The following SGCZ variants were observed in gnomAD, a reference collection of about 807,000 sequenced individuals.
SGCZ encodes the protein zeta-sarcoglycan.
In SGCZ, 40 loss-of-function variants were observed where a neutral mutation model predicts 41.3. The ratio of observed to expected loss-of-function variants is 0.97; its 90% CI spans 0.75 to 1.26. The LOEUF (loss-of-function observed/expected upper bound fraction) is 1.26, where lower values mean the gene tolerates loss of function less well. SGCZ is among the 50% of genes most tolerant of loss of function. The pLI is 0.00. For synonymous variants in SGCZ, 206 were observed against 137.5 expected (o/e 1.50, Z -3.49); for missense variants, 552 against 369.8 (o/e 1.49, Z -4.04).
At chr8:15,027,018 G>T (rs1490730830) in intron 1 of SGCZ, among the ~76,000 whole-genome samples, 1 of 152,120 alleles carries the variant, frequency 6.6e-6, no homozygotes, top group Non-Finnish European at 1.5e-5. Flanking sequence ...ATGAATGAGG[G>T]TAATTGTCAA....
intron 3 of SGCZ, among the ~76,000 whole-genome samples, chr8:14,314,635 C>T (rs1463684651): frequency 6.6e-6 from 1 of 152,096 alleles, no homozygotes; most frequent in Non-Finnish European, 1.5e-5. Flanking sequence ...GAACTACAAT[C>T]AGTAGGTAAG....
intron 2 of SGCZ, among the ~76,000 whole-genome samples, chr8:14,402,850 A>T (rs1259157399): frequency 2.0e-5 from 3 of 149,290 alleles, no homozygotes; most frequent in Admixed American, 6.6e-5. Flanking sequence ...CTTGATGGGG[A>T]TGGCATTGAA....
intron 3 of SGCZ, among the ~76,000 whole-genome samples, chr8:14,257,016 G>A (rs900129563): frequency 6.6e-6 from 1 of 152,022 alleles, no homozygotes; most frequent in Non-Finnish European, 1.5e-5. Context: ...TTTTTAGGGT[G>A]ATACAATATT....
chr8:14,582,871 G>A (rs1004423048), intron 1 of SGCZ, among the ~76,000 whole-genome samples: 17 of 151,482 alleles, frequency 1.1e-4, no homozygotes, highest in African/African-American at 3.2e-4. Flanking sequence ...GTATTCCATG[G>A]TGTATATGTG....
intron 1 of SGCZ, among the ~76,000 whole-genome samples, chr8:14,933,660 G>T (rs1259130719): frequency 6.6e-6 from 1 of 151,796 alleles, no homozygotes; most frequent in African/African-American, 2.4e-5. Context: ...TACCGTGTTA[G>T]CCAGGATGAT....
chr8:14,288,490 C>T (rs1800721400), intron 3 of SGCZ, among the ~76,000 whole-genome samples: 2 of 152,040 alleles, frequency 1.3e-5, no homozygotes, highest in African/African-American at 4.8e-5. Context: ...ATCTCCACGG[C>T]TTTGACTATA....
At chr8:14,963,930 AT>A (rs1197136095) in intron 1 of SGCZ, among the ~76,000 whole-genome samples, 1 of 151,972 alleles carries the variant, frequency 6.6e-6, no homozygotes, top group East Asian at 1.9e-4. Context: ...CCCAGAAAAA[AT>A]TTTTTCTAAG....
intron 2 of SGCZ, among the ~76,000 whole-genome samples, chr8:14,381,794 A>AAC (rs1804376190): frequency 6.6e-6 from 1 of 152,048 alleles, no homozygotes; most frequent in Non-Finnish European, 1.5e-5. Flanking sequence ...TCAAAAAAAA[A>AAC]ACAAAAAACA....
chr8:15,199,584 A>T (rs1401676879), intron 1 of SGCZ, among the ~76,000 whole-genome samples: 1 of 152,214 alleles, frequency 6.6e-6, no homozygotes, highest in Non-Finnish European at 1.5e-5. Context: ...ATTTACGGTT[A>T]GAAAGTAAAT....
chr8:14,716,384 G>A (rs1327519555), intron 1 of SGCZ, among the ~76,000 whole-genome samples: 1 of 151,934 alleles, frequency 6.6e-6, no homozygotes, highest in South Asian at 2.1e-4. Flanking sequence ...AAAATGTTAT[G>A]TTTAAAGTGA....
At chr8:14,760,293 A>G (rs990611265) in intron 1 of SGCZ, among the ~76,000 whole-genome samples, 1 of 152,196 alleles carries the variant, frequency 6.6e-6, no homozygotes, top group Non-Finnish European at 1.5e-5. Flanking sequence ...ATCATTACAC[A>G]ACACCGTTTT....
At chr8:14,147,198 T>C (rs1585177944) in intron 5 of SGCZ, among the ~76,000 whole-genome samples, 1 of 151,588 alleles carries the variant, frequency 6.6e-6, no homozygotes, top group Non-Finnish European at 1.5e-5. Context: ...GGAAGAAAAG[T>C]AGGAAGGAAG....
chr8:14,211,678 G>C (rs1218762436), intron 4 of SGCZ, among the ~76,000 whole-genome samples: 2 of 151,128 alleles, frequency 1.3e-5, no homozygotes, highest in African/African-American at 4.9e-5. Context: ...AGAGTAAAAA[G>C]GGAAGTGCTA....
At chr8:15,061,913 C>T (rs759648311) in intron 1 of SGCZ, among the ~76,000 whole-genome samples, 2 of 152,188 alleles carry the variant, frequency 1.3e-5, no homozygotes, top group Non-Finnish European at 2.9e-5. Flanking sequence ...TTTTCATCCT[C>T]CAGGTTTGAC....
chr8:14,947,246 C>T (rs1300134750), intron 1 of SGCZ, among the ~76,000 whole-genome samples: 2 of 152,112 alleles, frequency 1.3e-5, no homozygotes, highest in Non-Finnish European at 2.9e-5. Flanking sequence ...GGAAGTATTT[C>T]AAATTTCTTA....
chr8:14,767,879 T>G (rs1419003233), intron 1 of SGCZ, among the ~76,000 whole-genome samples: 1 of 152,190 alleles, frequency 6.6e-6, no homozygotes, highest in Non-Finnish European at 1.5e-5. Flanking sequence ...AATAGGGCCA[T>G]GTATTACATA....
intron 2 of SGCZ, among the ~76,000 whole-genome samples, chr8:14,432,323 A>G (rs1318281463): frequency 6.6e-6 from 1 of 152,228 alleles, no homozygotes; most frequent in African/African-American, 2.4e-5. Context: ...TGTGGTACAT[A>G]CATATGATGG....
intron 1 of SGCZ, among the ~76,000 whole-genome samples, chr8:14,908,354 G>C (rs1251205087): frequency 6.6e-6 from 1 of 152,168 alleles, no homozygotes. Context: ...CCATTGTATA[G>C]CAGACACTAG....
chr8:14,713,960 C>T lies in SGCZ; in HGVS notation c.40-159034G>A, dbSNP rs185157902. On this transcript the variant is annotated intron_variant, in intron 1 of 7. Transcript: ENST00000382080. ...AACTCCATTTTAAGTCTAGAAGCAT[C>T]TGTATGTTTGTTTTTGTTTTTGTTT... 8.6e-4 allele frequency among the ~76,000 whole-genome samples: 131 copies of T among 151,958 alleles called. 2 individuals are homozygous for T. The Middle Eastern group carries it at 0.028, about 32-fold the overall frequency.
Sources: allele counts gnomAD v4.1 joint callset (sites outside exome capture counted in the v4.1 genomes callset), GRCh38; gene constraint gnomAD v4.1.1; transcripts MANE v1.5; gene names NCBI Gene and HGNC (gene_info 2026-07-23, HGNC 2026-07-21).